The following PCDHGA8 variants were observed in gnomAD, a reference collection of about 807,000 sequenced individuals.
The protein encoded by PCDHGA8 is protocadherin gamma-A8.
PCDHGA8 carries 45 observed loss-of-function variants against 59.2 expected under a neutral mutation model. That is an observed-to-expected ratio of 0.76 (90% CI 0.60 to 0.98). The LOEUF (loss-of-function observed/expected upper bound fraction) is 0.98, where lower values mean the gene tolerates loss of function less well. Ranked by LOEUF, PCDHGA8 falls within the 50% of genes least tolerant of loss-of-function variation. PCDHGA8 has a pLI of 0.00. For synonymous variants in PCDHGA8, 531 were observed against 519.0 expected (o/e 1.02, Z -0.32); for missense variants, 1,257 against 1,196.2 (o/e 1.05, Z -0.75).
At chr5:141,451,926 T>G (rs994841982) in intron 1 of PCDHGA8, among the ~76,000 whole-genome samples, 5 of 151,122 alleles carry the variant, frequency 3.3e-5, no homozygotes, top group Non-Finnish European at 7.4e-5. Context: ...GGAAGGGAGG[T>G]AGGGAGGCAG....
intron 1 of PCDHGA8, chr5:141,402,790 A>T: frequency 2.1e-6 from 2 of 961,358 alleles, no homozygotes; most frequent in Non-Finnish European, 2.9e-6. Context: ...TTCTGCGGCT[A>T]CACAAAACCC....
At chr5:141,410,085 C>T (rs533911183) in intron 1 of PCDHGA8, 29 of 1,612,476 alleles carry the variant, frequency 1.8e-5, no homozygotes, top group South Asian at 1.1e-5. Flanking sequence ...GAGGTGCGCA[C>T]GGCTCGAGCC....
At position 141,431,317 on chromosome 5, in the gene PCDHGA8, C is replaced by T. The variant is rs778667104; in HGVS notation, c.2424+36080C>T. ...TCTCCCTCATCGTGCAAAATGGAGC[C>T]GACGGTAGTAAGTACCCCGAATTGG... On this transcript the variant is annotated intron_variant, in intron 1 of 3. Coordinates refer to ENST00000398604, the MANE Select transcript of PCDHGA8 (RefSeq NM_032088.2). This position sits in a 1 kb window ranked among gnomAD's most constrained non-coding sequence, Gnocchi z 4.8. The T allele has an allele frequency of 6.2e-6, 10 of 1,613,964 alleles. No homozygotes were observed. The highest frequency in any genetic ancestry group is 7.6e-6 in the Non-Finnish European group (9 of 1,180,046).
rs750214310 is a variant in PCDHGA8 at position 141,432,447 on chromosome 5, T to C, written c.2424+37210T>C. 1 of 1,614,202 alleles carries C rather than the reference T, an allele frequency of 6.2e-7. No homozygotes were observed. Among genetic ancestry groups the C allele is most frequent in the South Asian group, 1.1e-5 (1 of 91,072 alleles). ...CAGAACGACAATGCGCCCGAGATCCTGTACCCCGCCCTCCCCACGGACGGT... is the reference window on the plus strand; with the variant it reads ...CAGAACGACAATGCGCCCGAGATCCCGTACCCCGCCCTCCCCACGGACGGT... On this transcript the variant is annotated intron_variant, in intron 1 of 3. Coordinates refer to ENST00000398604, the MANE Select transcript of PCDHGA8 (RefSeq NM_032088.2). This position sits in a 1 kb window ranked among gnomAD's most constrained non-coding sequence, Gnocchi z 6.0.
chr5:141,431,609 G>A lies in PCDHGA8; in HGVS notation c.2424+36372G>A. The A allele has an allele frequency of 6.2e-7, 1 of 1,614,232 alleles. No homozygotes were observed. The highest frequency in any genetic ancestry group is 8.5e-7 in the Non-Finnish European group (1 of 1,180,046). On this transcript the variant is annotated intron_variant, in intron 1 of 3. Coordinates refer to ENST00000398604, the MANE Select transcript of PCDHGA8 (RefSeq NM_032088.2). The surrounding 1 kb of genome is among the most constrained non-coding windows in gnomAD (Gnocchi z 4.8). ...GGAAGTGAGGTATTCCTTCCGGTAT[G>A]TGGACGACAAGGCGGCCCAAGTTTT...
intron 1 of PCDHGA8, chr5:141,427,995 G>T (rs1292989797): frequency 6.3e-7 from 1 of 1,599,590 alleles, no homozygotes; most frequent in Non-Finnish European, 8.6e-7. Flanking sequence ...CGATGGCTCC[G>T]CACTCTTCGA....
At chr5:141,502,030 C>T (rs1031787021) in intron 2 of PCDHGA8, among the ~76,000 whole-genome samples, 4 of 152,180 alleles carry the variant, frequency 2.6e-5, no homozygotes, top group Non-Finnish European at 4.4e-5. Flanking sequence ...CAACCCCCGC[C>T]GCTTGCCTGC....
At chr5:141,461,422 C>A (rs2099015157) in intron 1 of PCDHGA8, among the ~76,000 whole-genome samples, 1 of 151,930 alleles carries the variant, frequency 6.6e-6, no homozygotes, top group African/African-American at 2.4e-5. Flanking sequence ...TGTTTGTGGG[C>A]CATTTGTATA....
chr5:141,423,078 C>A (rs752144906), intron 1 of PCDHGA8: 1 of 1,613,990 alleles, frequency 6.2e-7, no homozygotes, highest in Admixed American at 1.7e-5. Context: ...AGCCGGGACT[C>A]TTCGCGGTGG....
chr5:141,425,317 C>T (rs78746536), intron 1 of PCDHGA8, among the ~76,000 whole-genome samples: 174 of 152,168 alleles, frequency 1.1e-3, no homozygotes, highest in East Asian at 3.7e-3. Context: ...TTCCCAAGAT[C>T]GTGGAGAACA....
rs925034052 is a variant in PCDHGA8, at chr5:141,486,630, T to G, written c.2425-8177T>G. 2 of 1,613,690 alleles carry G rather than the reference T, an allele frequency of 1.2e-6. No individual in the cohort carries two copies. Among genetic ancestry groups the G allele is most frequent in the Non-Finnish European group, 1.7e-6 (2 of 1,180,028 alleles). ...GCAGCCTCTGACCCAGACTCTGGCTTGAATGCGCTTATCTCCTACTCACTC... is the reference window on the plus strand; with the variant it reads ...GCAGCCTCTGACCCAGACTCTGGCTGGAATGCGCTTATCTCCTACTCACTC... On this transcript the variant is annotated intron_variant, in intron 1 of 3. Coordinates refer to ENST00000398604, the MANE Select transcript of PCDHGA8 (RefSeq NM_032088.2). This position sits in a 1 kb window ranked among gnomAD's most constrained non-coding sequence, Gnocchi z 5.0.
intron 1 of PCDHGA8, chr5:141,419,504 C>T (rs577411043): frequency 4.7e-5 from 75 of 1,612,298 alleles, no homozygotes; most frequent in South Asian, 2.7e-4. Flanking sequence ...TGTGAGCCTG[C>T]GCGTGTTGGT....
In PCDHGA8 at chr5:141,486,017, A is replaced by G. The variant is rs746747518; in HGVS notation, c.2425-8790A>G. On this transcript the variant is annotated intron_variant, in intron 1 of 3. Transcript: ENST00000398604. The surrounding 1 kb of genome is among the most constrained non-coding windows in gnomAD (Gnocchi z 5.0). ...CAGTGGTAACGTCACCTTTTATTTC[A>G]GTGGTCATACCCCTGATCGTGTAAG... The G allele has an allele frequency of 6.2e-7, 1 of 1,614,176 alleles. No homozygotes were observed. The highest frequency in any genetic ancestry group is 1.7e-5 in the Admixed American group (1 of 60,026).
At chr5:141,433,056 G>A (rs1422450948) in intron 1 of PCDHGA8, 1 of 1,614,204 alleles carries the variant, frequency 6.2e-7, no homozygotes, top group South Asian at 1.1e-5. Context: ...TCGCGGAAGA[G>A]TCACCTGATC....
At chr5:141,403,877 T>A in intron 1 of PCDHGA8, 1 of 1,613,796 alleles carries the variant, frequency 6.2e-7, no homozygotes, top group Non-Finnish European at 8.5e-7. Context: ...AAGTCTAGAT[T>A]ATGAAGAATG....
In PCDHGA8 at chr5:141,432,293, G is replaced by C. The variant is rs765631138; in HGVS notation, c.2424+37056G>C. Reference sequence around the variant, plus strand: ...CTACGTGTCCATCAACTCCGACACTGGGGTACTGTATGCGCTGAGCTCCTT... The same window carrying C: ...CTACGTGTCCATCAACTCCGACACTCGGGTACTGTATGCGCTGAGCTCCTT... On this transcript the variant is annotated intron_variant, in intron 1 of 3. Coordinates refer to ENST00000398604, the MANE Select transcript of PCDHGA8 (RefSeq NM_032088.2). This position sits in a 1 kb window ranked among gnomAD's most constrained non-coding sequence, Gnocchi z 6.0. 6.2e-7 allele frequency: 1 copy of C among 1,614,254 alleles called. No individual in the cohort carries two copies.
In PCDHGA8 at chr5:141,490,490, C is replaced by A. The variant is rs886264588; in HGVS notation, c.2425-4317C>A. The A allele has an allele frequency of 1.2e-6, 2 of 1,614,184 alleles. No individual in the cohort carries two copies. Among genetic ancestry groups the A allele is most frequent in the Non-Finnish European group, 1.7e-6 (2 of 1,180,028 alleles). ...AGCCAGCCTTTGGACCGGGAGGCCA[C>A]ATCCCACTATATCATCGAGCTGCTG... On this transcript the variant is annotated intron_variant, in intron 1 of 3. Transcript: ENST00000398604. The surrounding 1 kb of genome is among the most constrained non-coding windows in gnomAD (Gnocchi z 5.4).
In PCDHGA8 at chr5:141,489,576, C is replaced by T; in HGVS notation, c.2425-5231C>T. 1.9e-6 allele frequency: 3 copies of T among 1,614,054 alleles called. No individual in the cohort carries two copies. Among genetic ancestry groups the T allele is most frequent in the Non-Finnish European group, 2.5e-6 (3 of 1,179,976 alleles). Reference sequence around the variant, plus strand: ...TGCCAGTGCAGGTGGTGACTGAACACCCCCTGGAGCTAATCCGTGTAGAGG... The same window carrying T: ...TGCCAGTGCAGGTGGTGACTGAACATCCCCTGGAGCTAATCCGTGTAGAGG... On this transcript the variant is annotated intron_variant, in intron 1 of 3. Coordinates refer to ENST00000398604, the MANE Select transcript of PCDHGA8 (RefSeq NM_032088.2). This position sits in a 1 kb window ranked among gnomAD's most constrained non-coding sequence, Gnocchi z 4.5.
At chr5:141,508,151 C>T (rs1306467936) in intron 3 of PCDHGA8, 1 of 152,548 alleles carries the variant, frequency 6.6e-6, no homozygotes, top group Admixed American at 6.5e-5. Flanking sequence ...GGCTGAGTTT[C>T]CCTGAGTAGA....
Sources: allele counts gnomAD v4.1 joint callset (sites outside exome capture counted in the v4.1 genomes callset), GRCh38; gene constraint gnomAD v4.1.1; non-coding constraint Gnocchi (gnomAD v3.1); transcripts MANE v1.5; gene names NCBI Gene and HGNC (gene_info 2026-07-23, HGNC 2026-07-21).